KITLG: variants seen among roughly 807,000 people sequenced by gnomAD.
KITLG encodes KIT ligand.
KITLG carries 13 observed loss-of-function variants against 34.1 expected under a neutral mutation model. The observed-to-expected ratio is 0.38, with a 90% CI of 0.25 to 0.61. The LOEUF (loss-of-function observed/expected upper bound fraction) is 0.61, where lower values mean the gene tolerates loss of function less well. Among genes scored for constraint, KITLG ranks in the 20% least tolerant of loss-of-function variants. The probability of loss-of-function intolerance (pLI) is 0.60; values close to 1 mark genes in which losing one functional copy is unlikely to be tolerated. For missense variants in KITLG, 292 were observed against 318.9 expected (o/e 0.92, Z 0.64); for synonymous variants, 110 against 104.0 (o/e 1.06, Z -0.35).
chr12:88,550,370 T>C (rs1385682033), intron 1 of KITLG, among the ~76,000 whole-genome samples: 2 of 152,128 alleles, frequency 1.3e-5, no homozygotes, highest in Non-Finnish European at 2.9e-5. Flanking sequence ...GGCAACAGCC[T>C]TGAGCAGGAA....
chr12:88,525,957 C>T (rs1869847432), intron 3 of KITLG, among the ~76,000 whole-genome samples: 1 of 152,172 alleles, frequency 6.6e-6, no homozygotes, highest in African/African-American at 2.4e-5. Flanking sequence ...GGTTAAGCCC[C>T]AAGATATTGC....
At chr12:88,502,128 C>A (rs1465200754) in intron 9 of KITLG, among the ~76,000 whole-genome samples, 1 of 152,118 alleles carries the variant, frequency 6.6e-6, no homozygotes, top group Non-Finnish European at 1.5e-5. Context: ...ACGAGTAAGG[C>A]ACTTTGTGAA....
chr12:88,551,002 G>C (rs963202022), intron 1 of KITLG, among the ~76,000 whole-genome samples: 3 of 152,030 alleles, frequency 2.0e-5, no homozygotes, highest in African/African-American at 4.8e-5. Flanking sequence ...ATCTTACAAA[G>C]ACACAGTTTT....
chr12:88,512,259 G>C (rs1307223982), intron 6 of KITLG, among the ~76,000 whole-genome samples: 1 of 152,102 alleles, frequency 6.6e-6, no homozygotes, highest in South Asian at 2.1e-4. Flanking sequence ...TTCATAAATA[G>C]AATAATTCAC....
intron 1 of KITLG, among the ~76,000 whole-genome samples, chr12:88,548,407 T>C (rs995229325): frequency 6.6e-6 from 1 of 151,738 alleles, no homozygotes; most frequent in Non-Finnish European, 1.5e-5. Context: ...TGAGCCAAGA[T>C]TGCGCCACTG....
At chr12:88,562,337 A>T (rs984402512) in intron 1 of KITLG, among the ~76,000 whole-genome samples, 4 of 152,240 alleles carry the variant, frequency 2.6e-5, no homozygotes, top group African/African-American at 9.6e-5. Flanking sequence ...GACAATGTAC[A>T]ATTCAATCCT....
At chr12:88,504,017 A>C (rs1868957581) in intron 9 of KITLG, among the ~76,000 whole-genome samples, 1 of 152,144 alleles carries the variant, frequency 6.6e-6, no homozygotes, top group African/African-American at 2.4e-5. Flanking sequence ...TTTTTATTCT[A>C]TTAGTAATAC....
At position 88,494,896 on chromosome 12, in the gene KITLG, T is replaced by C. The variant is rs1050662998; in HGVS notation, c.*2323A>G. ...GGGATAAAATAAGCAAAGATAAATA[T>C]ATATTTTCATCTCAAAGCAGAAATA... is the stretch of plus-strand genomic sequence containing the variant. On this transcript the variant is annotated 3_prime_UTR_variant, in exon 10 of 10. Transcript: ENST00000644744. The C allele has an allele frequency of 6.6e-6, 1 of 152,024 alleles. No homozygotes were observed. Among genetic ancestry groups the C allele is most frequent in the Non-Finnish European group, 1.5e-5 (1 of 67,936 alleles). 9.4% of individuals were successfully genotyped at this position (152,024 alleles called of 1,614,324 possible). A position where few individuals can be genotyped will look rare whatever the true frequency, so the allele number is the denominator to read the frequency against.
intron 3 of KITLG, among the ~76,000 whole-genome samples, chr12:88,522,753 C>T (rs151336841): frequency 2.0e-5 from 3 of 152,184 alleles, no homozygotes; most frequent in African/African-American, 2.4e-5. Flanking sequence ...AGAGCAGTCA[C>T]GGTAAGATTT....
intron 1 of KITLG, 29 bp from the exon 2 acceptor site, chr12:88,545,894 G>T: frequency 1.5e-6 from 2 of 1,323,632 alleles, no homozygotes; most frequent in South Asian, 1.2e-5. Context: ...ATTGCTTGGT[G>T]ATCATCAGTT....
intron 1 of KITLG, among the ~76,000 whole-genome samples, chr12:88,563,080 C>T (rs988853312): frequency 5.3e-5 from 8 of 152,200 alleles, no homozygotes; most frequent in African/African-American, 1.4e-4. Context: ...TATTGTAATA[C>T]GCAACCATAA....
At chr12:88,549,419 A>G (rs1870820877) in intron 1 of KITLG, among the ~76,000 whole-genome samples, 1 of 152,226 alleles carries the variant, frequency 6.6e-6, no homozygotes, top group South Asian at 2.1e-4. Flanking sequence ...CCAATCAAGA[A>G]AGGGTTATAG....
At chr12:88,522,058 G>A (rs10777125) in intron 3 of KITLG, among the ~76,000 whole-genome samples, 120,217 of 151,972 alleles carry the variant, frequency 0.79, 49,848 homozygotes, top group Middle Eastern at 0.94. Flanking sequence ...TCATGATCTC[G>A]CTAAATGATT....
chr12:88,547,469 T>A (rs1253567195), intron 1 of KITLG, among the ~76,000 whole-genome samples: 2 of 152,250 alleles, frequency 1.3e-5, no homozygotes, highest in Non-Finnish European at 2.9e-5. Context: ...TGGACCACAG[T>A]GAAGACTAAG....
Position 88,580,382 on chromosome 12 carries a change from C to T in KITLG, c.-104G>A, listed in dbSNP as rs1367452261. On this transcript the variant is annotated 5_prime_UTR_variant, in exon 1 of 10. Transcript: ENST00000644744. The stretch of plus-strand genomic sequence containing the variant: ...GCACGAACAGCGGCGGCAGATAGTC[C>T]ACGCATTGGGTAGCCCGAGCGCAGC... 5.2e-6 allele frequency: 7 copies of T among 1,342,504 alleles called. No individual in the cohort carries two copies. The East Asian group carries it at 1.2e-4, about 24-fold the overall frequency. 83.2% of individuals were successfully genotyped at this position (1,342,504 alleles called of 1,614,324 possible).
chr12:88,568,324 T>TA (rs397937801), intron 1 of KITLG, among the ~76,000 whole-genome samples: 38 of 151,130 alleles, frequency 2.5e-4, no homozygotes, highest in African/African-American at 8.5e-4. Context: ...TTTATTTATT[T>TA]TATTTATAAT....
intron 3 of KITLG, 72 bp from the exon 4 acceptor site, chr12:88,518,939 C>T (rs1869558989): frequency 7.4e-7 from 1 of 1,348,726 alleles, no homozygotes; most frequent in Non-Finnish European, 1.0e-6. Flanking sequence ...GAGTACTCTT[C>T]AAAGCTATCG....
intron 1 of KITLG, among the ~76,000 whole-genome samples, chr12:88,579,496 G>A (rs1213788179): frequency 6.6e-6 from 1 of 152,158 alleles, no homozygotes; most frequent in East Asian, 1.9e-4. Flanking sequence ...CCCAGGCAGC[G>A]CTTTACCCAC....
chr12:88,551,636 G>T (rs1870918437), intron 1 of KITLG, among the ~76,000 whole-genome samples: 1 of 152,036 alleles, frequency 6.6e-6, no homozygotes, highest in South Asian at 2.1e-4. Context: ...AGATTGTCAG[G>T]TCATTACTTG....
Sources: allele counts gnomAD v4.1 joint callset (sites outside exome capture counted in the v4.1 genomes callset), GRCh38; gene constraint gnomAD v4.1.1; transcripts MANE v1.5; gene names NCBI Gene and HGNC (gene_info 2026-07-23, HGNC 2026-07-21).